Variants in NRG3 observed in about 807,000 individuals in gnomAD.
NRG3 encodes pro-neuregulin-3, membrane-bound isoform.
NRG3 carries 31 observed loss-of-function variants against 66.9 expected under a neutral mutation model. The observed-to-expected ratio is 0.46, with a 90% CI of 0.35 to 0.63. The LOEUF (loss-of-function observed/expected upper bound fraction) is 0.63. Among genes scored for constraint, NRG3 ranks in the 20% least tolerant of loss-of-function variants. NRG3 has a pLI of 0.00. For synonymous variants in NRG3, 393 were observed against 359.4 expected (o/e 1.09, Z -1.06); for missense variants, 910 against 878.9 (o/e 1.04, Z -0.45).
At chr10:82,779,803 C>T (rs2060047088) in intron 3 of NRG3, among the ~76,000 whole-genome samples, 1 of 151,884 alleles carries the variant, frequency 6.6e-6, no homozygotes, top group Non-Finnish European at 1.5e-5. Flanking sequence ...TATACATGTG[C>T]CATGGTGGTT....
At chr10:82,157,629 G>A (rs2071285408) in intron 1 of NRG3, among the ~76,000 whole-genome samples, 1 of 151,544 alleles carries the variant, frequency 6.6e-6, no homozygotes, top group Admixed American at 6.6e-5. Context: ...AAGTCTGTAA[G>A]GGAGAAATGG....
chr10:82,065,192 A>C (rs1451246204), intron 1 of NRG3, among the ~76,000 whole-genome samples: 1 of 152,082 alleles, frequency 6.6e-6, no homozygotes, highest in Non-Finnish European at 1.5e-5. Flanking sequence ...TAAAACTATG[A>C]GGGGAATTGA....
intron 1 of NRG3, among the ~76,000 whole-genome samples, chr10:82,348,202 G>A (rs537291597): frequency 2.0e-5 from 3 of 152,318 alleles, no homozygotes; most frequent in East Asian, 1.9e-4. Context: ...GCAGCAGCTG[G>A]TACCTGTTGT....
chr10:82,271,066 A>G (rs553440383), intron 1 of NRG3, among the ~76,000 whole-genome samples: 1 of 152,212 alleles, frequency 6.6e-6, no homozygotes, highest in South Asian at 2.1e-4. Context: ...CGAGAAAGCA[A>G]TATTTGGAAC....
At chr10:82,774,579 T>C (rs1288502304) in intron 3 of NRG3, among the ~76,000 whole-genome samples, 1 of 152,022 alleles carries the variant, frequency 6.6e-6, no homozygotes, top group South Asian at 2.1e-4. Flanking sequence ...AATAGCCGAT[T>C]ATGATCCTTC....
intron 1 of NRG3, among the ~76,000 whole-genome samples, chr10:82,063,667 T>C (rs2064287677): frequency 6.6e-6 from 1 of 151,374 alleles, no homozygotes; most frequent in Non-Finnish European, 1.5e-5. Context: ...CTAAAGAAAC[T>C]AAAGAAAGAA....
At chr10:82,049,313 C>A (rs1039747394) in intron 1 of NRG3, among the ~76,000 whole-genome samples, 5 of 152,066 alleles carry the variant, frequency 3.3e-5, no homozygotes, top group African/African-American at 1.2e-4. Context: ...GACCCTTCAT[C>A]ATTTTCACCT....
intron 1 of NRG3, among the ~76,000 whole-genome samples, chr10:82,205,299 G>T (rs2075059754): frequency 6.6e-6 from 1 of 152,086 alleles, no homozygotes. Context: ...CAGTTATGTG[G>T]TTCTTCTGGG....
chr10:82,638,921 A>C (rs1372153628), intron 2 of NRG3, among the ~76,000 whole-genome samples: 1 of 152,116 alleles, frequency 6.6e-6, no homozygotes, highest in Admixed American at 6.6e-5. Flanking sequence ...CTGGGATTAC[A>C]AGTGTGAGCC....
At chr10:82,790,957 C>G (rs116247971) in intron 3 of NRG3, among the ~76,000 whole-genome samples, 1 of 151,046 alleles carries the variant, frequency 6.6e-6, no homozygotes, top group Non-Finnish European at 1.5e-5. Context: ...TATTAATATT[C>G]TCTGTTTAAG....
intron 1 of NRG3, among the ~76,000 whole-genome samples, chr10:82,054,028 A>G (rs2063721083): frequency 6.6e-6 from 1 of 152,212 alleles, no homozygotes; most frequent in Non-Finnish European, 1.5e-5. Context: ...AGAGAATGGT[A>G]GGATATGAGG....
intron 1 of NRG3, among the ~76,000 whole-genome samples, chr10:82,289,310 G>A (rs1225374976): frequency 6.6e-6 from 1 of 151,816 alleles, no homozygotes. Flanking sequence ...CCCCTCCTCA[G>A]GCAAAATCCC....
At chr10:82,104,191 C>T (rs2066926498) in intron 1 of NRG3, among the ~76,000 whole-genome samples, 1 of 152,036 alleles carries the variant, frequency 6.6e-6, no homozygotes, top group African/African-American at 2.4e-5. Flanking sequence ...TAGCCATAAT[C>T]AGTGAAAGAG....
intron 2 of NRG3, among the ~76,000 whole-genome samples, chr10:82,395,903 A>G (rs1012666667): frequency 6.6e-6 from 1 of 152,238 alleles, no homozygotes; most frequent in African/African-American, 2.4e-5. Context: ...ACCATTAGAT[A>G]TAGAGAAATA....
At chr10:82,282,971 A>T (rs1473632021) in intron 1 of NRG3, among the ~76,000 whole-genome samples, 2 of 151,910 alleles carry the variant, frequency 1.3e-5, no homozygotes, top group African/African-American at 2.4e-5. Flanking sequence ...TGGGCTGATG[A>T]CTCATCCCAA....
chr10:82,566,867 A>G (rs893713933), intron 2 of NRG3, among the ~76,000 whole-genome samples: 8 of 152,004 alleles, frequency 5.3e-5, no homozygotes, highest in African/African-American at 1.9e-4. Flanking sequence ...AGGTCAATAC[A>G]AGATAATCAC....
chr10:82,875,197 C>T (rs1321905611), intron 4 of NRG3, among the ~76,000 whole-genome samples: 1 of 152,080 alleles, frequency 6.6e-6, no homozygotes, highest in African/African-American at 2.4e-5. Context: ...GGTATAAAGG[C>T]CTTACTCATT....
intron 1 of NRG3, among the ~76,000 whole-genome samples, chr10:81,901,543 C>T (rs1442541775): frequency 2.0e-5 from 3 of 152,044 alleles, no homozygotes; most frequent in African/African-American, 7.2e-5. Context: ...GTGGCATGCT[C>T]CTATAGTCCC....
chr10:82,724,537 G>C (rs936473679), intron 2 of NRG3, among the ~76,000 whole-genome samples: 1 of 152,086 alleles, frequency 6.6e-6, no homozygotes, highest in Non-Finnish European at 1.5e-5. Flanking sequence ...CAACTCTAGG[G>C]GTTTCTAAAA....
Sources: gnomAD v4.1 joint callset for allele counts (sites outside exome capture counted in the v4.1 genomes callset) on GRCh38, gnomAD v4.1.1 for gene constraint, MANE v1.5 for transcripts, NCBI Gene and HGNC (gene_info 2026-07-23, HGNC 2026-07-21) for gene names.